The following DCLK1 variants were observed in gnomAD, a reference collection of about 807,000 sequenced individuals.
DCLK1 encodes doublecortin like kinase 1.
DCLK1 carries 16 observed loss-of-function variants against 86.2 expected under a neutral mutation model. The observed-to-expected ratio is 0.19, with a 90% CI of 0.13 to 0.28. The LOEUF is 0.28. Ranked by LOEUF, DCLK1 falls within the 10% of genes least tolerant of loss-of-function variation. The probability of loss-of-function intolerance (pLI) is 1.00; values close to 1 mark genes in which losing one functional copy is unlikely to be tolerated. For synonymous variants in DCLK1, 369 were observed against 370.5 expected, an observed-to-expected ratio of 1.00 and a Z score of 0.05; for missense variants, 590 against 940.2, an observed-to-expected ratio of 0.63 and a Z score of 4.87.
chr13:35,797,714 T>C (rs1190348360), intron 15 of DCLK1, among the ~76,000 whole-genome samples: 2 of 152,150 alleles, frequency 1.3e-5, no homozygotes, highest in Non-Finnish European at 2.9e-5. Flanking sequence ...GCAGTGTTTT[T>C]ATATAAATTT....
At chr13:36,088,597 A>G (rs1884700201) in intron 3 of DCLK1, among the ~76,000 whole-genome samples, 1 of 152,194 alleles carries the variant, frequency 6.6e-6, no homozygotes, top group African/African-American at 2.4e-5. Context: ...AAGATGGCAA[A>G]TGTGCCCTAC....
intron 15 of DCLK1, among the ~76,000 whole-genome samples, chr13:35,802,957 G>C (rs1016933642): frequency 6.6e-6 from 1 of 152,158 alleles, no homozygotes; most frequent in Non-Finnish European, 1.5e-5. Context: ...CATGACCTGG[G>C]TAAGTGAGTT....
chr13:35,825,603 T>C (rs2087502089), intron 10 of DCLK1, among the ~76,000 whole-genome samples: 1 of 151,954 alleles, frequency 6.6e-6, no homozygotes, highest in Admixed American at 6.6e-5. Flanking sequence ...GGTAAGTCAA[T>C]AATAACGGGG....
intron 3 of DCLK1, among the ~76,000 whole-genome samples, chr13:35,983,123 A>T (rs1412246687): frequency 6.6e-6 from 1 of 151,246 alleles, no homozygotes; most frequent in Non-Finnish European, 1.5e-5. Context: ...AGAACTCTTT[A>T]TTATTATTAT....
At chr13:35,935,734 T>A (rs568078007) in intron 4 of DCLK1, among the ~76,000 whole-genome samples, 2 of 152,326 alleles carry the variant, frequency 1.3e-5, no homozygotes, top group Non-Finnish European at 2.9e-5. Flanking sequence ...AGGGGGTACA[T>A]TTAAAGATTA....
intron 6 of DCLK1, chr13:35,847,166 T>G (rs1477647697): frequency 2.1e-6 from 2 of 954,504 alleles, no homozygotes; most frequent in Admixed American, 6.2e-5. Flanking sequence ...TACTTATATT[T>G]AATAGTTAAC....
intron 3 of DCLK1, among the ~76,000 whole-genome samples, chr13:35,992,264 C>T (rs1880267818): frequency 6.6e-6 from 1 of 152,108 alleles, no homozygotes; most frequent in Admixed American, 6.5e-5. Flanking sequence ...ATGATCCCCT[C>T]GGATGTGGGA....
At chr13:36,090,213 G>A (rs950274584) in intron 3 of DCLK1, among the ~76,000 whole-genome samples, 5 of 152,122 alleles carry the variant, frequency 3.3e-5, no homozygotes, top group African/African-American at 7.2e-5. Flanking sequence ...GTTTTCTTTG[G>A]GTCTGGACAT....
intron 3 of DCLK1, among the ~76,000 whole-genome samples, chr13:36,003,257 A>G (rs971068221): frequency 1.2e-4 from 18 of 152,184 alleles, no homozygotes; most frequent in African/African-American, 4.3e-4. Context: ...GAAGATTTTC[A>G]TTCTGCCACA....
At chr13:35,833,486 G>A (rs1025849674) in intron 8 of DCLK1, among the ~76,000 whole-genome samples, 1 of 152,100 alleles carries the variant, frequency 6.6e-6, no homozygotes, top group Non-Finnish European at 1.5e-5. Flanking sequence ...ACTTCCTTTA[G>A]TATGTCCCAG....
chr13:35,891,952 T>C (rs1358333201), intron 4 of DCLK1, among the ~76,000 whole-genome samples: 1 of 152,196 alleles, frequency 6.6e-6, no homozygotes, highest in African/African-American at 2.4e-5. Flanking sequence ...ATTCCTGGGA[T>C]TATATAATCT....
chr13:35,843,087 C>T (rs1869919828), intron 6 of DCLK1, among the ~76,000 whole-genome samples: 1 of 152,162 alleles, frequency 6.6e-6, no homozygotes, highest in Admixed American at 6.5e-5. Context: ...AAAAGCCCAC[C>T]TATATTTTTT....
rs997919398 is a variant in DCLK1 at position 36,065,344 on chromosome 13, G to A, written c.723+46525C>T. Reference sequence around the variant, plus strand: ...ATAAGGACTCTGTAAATGTTAGCTGGTATTCCAGTGACTTGGAATTTGGGT... The same window carrying A: ...ATAAGGACTCTGTAAATGTTAGCTGATATTCCAGTGACTTGGAATTTGGGT... On this transcript the variant is annotated intron_variant, in intron 3 of 16. Coordinates refer to ENST00000360631, the MANE Select transcript of DCLK1 (RefSeq NM_001330071.2). 2.6e-5 allele frequency among the ~76,000 whole-genome samples: 4 copies of A among 152,156 alleles called. No homozygotes were observed. In the South Asian group the frequency reaches 6.2e-4, roughly 24 times the overall value.
intron 3 of DCLK1, among the ~76,000 whole-genome samples, chr13:35,995,958 G>T (rs1273530715): frequency 1.3e-5 from 2 of 151,662 alleles, no homozygotes; most frequent in Non-Finnish European, 2.9e-5. Context: ...AATTTTTTGA[G>T]ATGGAGTTTC....
chr13:35,867,965 G>GAAAGAAAGAA (rs1380990336), intron 5 of DCLK1, among the ~76,000 whole-genome samples: 26 of 142,914 alleles, frequency 1.8e-4, no homozygotes, highest in African/African-American at 6.6e-4. Context: ...AAGAAAGAAA[G>GAAAGAAAGAA]AGAAAAAGAA....
intron 3 of DCLK1, among the ~76,000 whole-genome samples, chr13:35,959,914 T>C (rs1185741576): frequency 6.6e-6 from 1 of 151,932 alleles, no homozygotes; most frequent in East Asian, 1.9e-4. Context: ...TGCATGTTTA[T>C]GTGCACATGT....
chr13:35,839,188 C>A lies in DCLK1; in HGVS notation c.1036-12G>T. 6.4e-7 allele frequency: 1 copy of A among 1,566,662 alleles called. No individual in the cohort carries two copies. Among genetic ancestry groups the A allele is most frequent in the Non-Finnish European group, 8.7e-7 (1 of 1,154,996 alleles). ...CCATGCTGAGAGCTCTGTAGGGGAA[C>A]AGAAACCGGTAATTCAAAAACTGGG... On this transcript the variant is annotated splice_polypyrimidine_tract_variant and intron_variant, in intron 6 of 16. Transcript: ENST00000360631.
intron 6 of DCLK1, chr13:35,848,540 A>T (rs1469020553): frequency 1.0e-6 from 1 of 985,186 alleles, no homozygotes. Flanking sequence ...AAAGTTGGCC[A>T]TGATATCTAT....
chr13:36,005,281 A>C (rs1880900667), intron 3 of DCLK1, among the ~76,000 whole-genome samples: 1 of 152,212 alleles, frequency 6.6e-6, no homozygotes, highest in Non-Finnish European at 1.5e-5. Flanking sequence ...GAATGTTTCT[A>C]ATAAAAGGTA....
Sources: gnomAD v4.1 joint callset for allele counts (sites outside exome capture counted in the v4.1 genomes callset) on GRCh38, gnomAD v4.1.1 for gene constraint, MANE v1.5 for transcripts, NCBI Gene and HGNC (gene_info 2026-07-23, HGNC 2026-07-21) for gene names.